Variants in NPAS3 observed in about 807,000 individuals in gnomAD.
The protein encoded by NPAS3 is neuronal PAS domain-containing protein 3.
NPAS3 carries 14 observed loss-of-function variants against 73.1 expected under a neutral mutation model. The ratio of observed to expected loss-of-function variants is 0.19; its 90% CI spans 0.13 to 0.30. The LOEUF (loss-of-function observed/expected upper bound fraction) is 0.30, where lower values mean the gene tolerates loss of function less well. NPAS3 is among the 10% of genes least tolerant of loss of function. The probability of loss-of-function intolerance (pLI) is 1.00; values close to 1 mark genes in which losing one functional copy is unlikely to be tolerated. For synonymous variants in NPAS3, 620 were observed against 541.5 expected, an observed-to-expected ratio of 1.14 and a Z score of -2.01; for missense variants, 1,096 against 1,250.0, an observed-to-expected ratio of 0.88 and a Z score of 1.86.
At chr14:33,635,486 T>C (rs2058489100) in intron 5 of NPAS3, among the ~76,000 whole-genome samples, 1 of 152,236 alleles carries the variant, frequency 6.6e-6, no homozygotes, top group African/African-American at 2.4e-5. Flanking sequence ...CTTGGGTTTG[T>C]TTATGGATTG....
chr14:33,135,702 CTT>C (rs897862166), intron 2 of NPAS3, among the ~76,000 whole-genome samples: 12 of 152,178 alleles, frequency 7.9e-5, no homozygotes, highest in African/African-American at 2.6e-4. Context: ...CCTCTTGACT[CTT>C]TTGGATTTCT....
chr14:33,357,046 A>G (rs2045369230), intron 3 of NPAS3, among the ~76,000 whole-genome samples: 1 of 152,226 alleles, frequency 6.6e-6, no homozygotes, highest in Admixed American at 6.5e-5. Context: ...TCCCTAAATC[A>G]TAGCCTCTGT....
chr14:33,489,216 T>C (rs1189546447), intron 4 of NPAS3, among the ~76,000 whole-genome samples: 1 of 152,204 alleles, frequency 6.6e-6, no homozygotes, highest in Non-Finnish European at 1.5e-5. Context: ...AAATAATCTG[T>C]GTACAATTTC....
At chr14:33,395,580 A>G (rs915057743) in intron 4 of NPAS3, among the ~76,000 whole-genome samples, 2 of 152,088 alleles carry the variant, frequency 1.3e-5, no homozygotes, top group East Asian at 3.9e-4. Flanking sequence ...ACATACATAC[A>G]TGTATATATT....
intron 4 of NPAS3, among the ~76,000 whole-genome samples, chr14:33,464,127 A>T (rs1463328475): frequency 1.3e-5 from 2 of 152,146 alleles, no homozygotes; most frequent in Non-Finnish European, 2.9e-5. Flanking sequence ...GAGGGACATT[A>T]TATCTGTCAC....
rs902901137 is a variant in NPAS3 at position 33,735,427 on chromosome 14, A to C, written c.852+95A>C. ...CAGCTGCTTTAGGTCCATATAATGAATACATGTGATCTTGAGGAGCCCATA... is the reference window on the plus strand; with the variant it reads ...CAGCTGCTTTAGGTCCATATAATGACTACATGTGATCTTGAGGAGCCCATA... On this transcript the variant is annotated intron_variant, in intron 7 of 11. Transcript: ENST00000356141. 63 of 855,562 alleles carry C rather than the reference A, an allele frequency of 7.4e-5. 2 individuals carry two copies. The South Asian group carries it at 7.7e-4, about 10-fold the overall frequency. 53.0% of individuals were successfully genotyped at this position (855,562 alleles called of 1,614,324 possible).
intron 2 of NPAS3, among the ~76,000 whole-genome samples, chr14:33,074,180 G>T (rs1032736801): frequency 1.3e-5 from 2 of 152,158 alleles, no homozygotes; most frequent in African/African-American, 4.8e-5. Context: ...GGAATAGGCA[G>T]CCAGAAATGT....
chr14:33,790,948 A>C (rs925886162), intron 9 of NPAS3, among the ~76,000 whole-genome samples: 1 of 152,198 alleles, frequency 6.6e-6, no homozygotes, highest in Non-Finnish European at 1.5e-5. Flanking sequence ...GATTTCTTTT[A>C]CAAGATCTGT....
chr14:33,339,542 T>C (rs1021151084), intron 3 of NPAS3, among the ~76,000 whole-genome samples: 1 of 152,262 alleles, frequency 6.6e-6, no homozygotes, highest in Non-Finnish European at 1.5e-5. Context: ...TCTGGTCTAA[T>C]CATCTTGTAT....
chr14:33,060,544 G>A (rs2041059325), intron 2 of NPAS3, among the ~76,000 whole-genome samples: 1 of 152,204 alleles, frequency 6.6e-6, no homozygotes, highest in Admixed American at 6.5e-5. Flanking sequence ...GAAAGCAGAA[G>A]AGGCCATTGG....
chr14:33,017,205 G>T (rs1242344221), intron 1 of NPAS3, among the ~76,000 whole-genome samples: 1 of 152,180 alleles, frequency 6.6e-6, no homozygotes, highest in East Asian at 1.9e-4. Flanking sequence ...ACAAATGGAT[G>T]CCTAAAATTA....
At chr14:33,441,020 C>T (rs1042059634) in intron 4 of NPAS3, among the ~76,000 whole-genome samples, 1 of 152,172 alleles carries the variant, frequency 6.6e-6, no homozygotes, top group Non-Finnish European at 1.5e-5. Context: ...TCATAAAACC[C>T]CACTGTCCTT....
At position 33,793,774 on chromosome 14, in the gene NPAS3, T is replaced by C. The variant is rs2063432896; in HGVS notation, c.1154-123T>C. The C allele has an allele frequency of 8.9e-6, 7 of 787,868 alleles. No individual in the cohort carries two copies. In the East Asian group the frequency reaches 1.9e-4, roughly 21 times the overall value. The allele number at this position is 787,868 out of a possible 1,614,324, so 48.8% of individuals were successfully genotyped here. Reference sequence around the variant, plus strand: ...CATTCTATATTAAGCATACAGAGGGTCACCCTGGCTTGGTGTAGGTCCTCC... The same window carrying C: ...CATTCTATATTAAGCATACAGAGGGCCACCCTGGCTTGGTGTAGGTCCTCC... On this transcript the variant is annotated intron_variant, in intron 9 of 11. Coordinates refer to ENST00000356141, the Ensembl canonical transcript of NPAS3.
chr14:33,670,991 C>A (rs2059595759), intron 5 of NPAS3, among the ~76,000 whole-genome samples: 1 of 150,094 alleles, frequency 6.7e-6, no homozygotes, highest in South Asian at 2.2e-4. Flanking sequence ...TTTAAATGAC[C>A]CTTTCTATTG....
chr14:33,284,979 T>G (rs963208288), intron 3 of NPAS3, among the ~76,000 whole-genome samples: 1 of 152,172 alleles, frequency 6.6e-6, no homozygotes, highest in Non-Finnish European at 1.5e-5. Context: ...TAGTGTGCAC[T>G]TTGGAAACGT....
At chr14:32,941,782 G>A (rs948777763) in intron 1 of NPAS3, among the ~76,000 whole-genome samples, 3 of 152,152 alleles carry the variant, frequency 2.0e-5, no homozygotes, top group African/African-American at 7.2e-5. Context: ...CAGGAGCACT[G>A]TGGAAGATAG....
chr14:33,389,610 AG>A (rs2046915380), intron 4 of NPAS3, among the ~76,000 whole-genome samples: 2 of 152,206 alleles, frequency 1.3e-5, no homozygotes, highest in African/African-American at 4.8e-5. Flanking sequence ...TTGAGGTTGA[AG>A]CCACAATCTT....
At chr14:33,593,656 G>A (rs1225912242) in intron 5 of NPAS3, among the ~76,000 whole-genome samples, 4 of 152,182 alleles carry the variant, frequency 2.6e-5, no homozygotes, top group Non-Finnish European at 5.9e-5. Context: ...TAAACTAAAT[G>A]ATTTCTAAGG....
chr14:33,585,513 CAAG>C (rs1160317747), intron 5 of NPAS3, among the ~76,000 whole-genome samples: 1 of 152,148 alleles, frequency 6.6e-6, no homozygotes, highest in Non-Finnish European at 1.5e-5. Flanking sequence ...AGTAACATCT[CAAG>C]GAGTTTGATC....
Sources: allele counts gnomAD v4.1 joint callset (sites outside exome capture counted in the v4.1 genomes callset), GRCh38; gene constraint gnomAD v4.1.1; transcripts MANE v1.5; gene names NCBI Gene and HGNC (gene_info 2026-07-23, HGNC 2026-07-21).